The following FNBP4 variants were observed in gnomAD, a reference collection of about 807,000 sequenced individuals.
FNBP4 encodes formin binding protein 4.
A neutral mutation model predicts 119.3 loss-of-function variants in FNBP4; 34 were observed. The ratio of observed to expected loss-of-function variants is 0.28; its 90% CI spans 0.22 to 0.38. The LOEUF (loss-of-function observed/expected upper bound fraction) is 0.38, where lower values mean the gene tolerates loss of function less well. FNBP4 is among the 10% of genes least tolerant of loss of function. FNBP4 has a pLI of 1.00. For missense variants in FNBP4, 1,112 were observed against 1,228.9 expected (o/e 0.90, Z 1.42); for synonymous variants, 462 against 430.6 (o/e 1.07, Z -0.90).
rs564221228 is a variant in FNBP4, at chr11:47,719,212, A to G, written c.2963+717T>C. On this transcript the variant is annotated intron_variant, in intron 16 of 16. Coordinates refer to ENST00000263773, the MANE Select transcript of FNBP4 (RefSeq NM_015308.5). ...CCAACATGTGCTTTCATCATAAAAAATATTTCTGACCTGAGTGTGGTGGCT... is the reference window on the plus strand; with the variant it reads ...CCAACATGTGCTTTCATCATAAAAAGTATTTCTGACCTGAGTGTGGTGGCT... Among the ~76,000 whole-genome samples the G allele has an allele frequency of 9.8e-5, 15 of 152,352 alleles. No individual in the cohort carries two copies. In the South Asian group the frequency reaches 3.1e-3, roughly 32 times the overall value.
chr11:47,750,577 G>A (rs185630440), intron 6 of FNBP4, among the ~76,000 whole-genome samples: 2,557 of 146,734 alleles, frequency 0.017, 21 homozygotes, highest in Middle Eastern at 0.033. Context: ...TAATCCCAGC[G>A]ACTCAGGAGG....
At chr11:47,738,389 C>A (rs1289749989) in intron 8 of FNBP4, among the ~76,000 whole-genome samples, 2 of 151,878 alleles carry the variant, frequency 1.3e-5, no homozygotes, top group Admixed American at 1.3e-4. Context: ...CACGGTGAAA[C>A]CCTGCCTCTA....
intron 6 of FNBP4, 67 bp from the exon 7 acceptor site, chr11:47,746,461 A>G (rs1466093104): frequency 2.3e-6 from 3 of 1,288,896 alleles, no homozygotes; most frequent in African/African-American, 1.5e-5. Flanking sequence ...CATACATTCA[A>G]TTGCACACAC....
At chr11:47,751,841 G>C in intron 4 of FNBP4, among the ~76,000 whole-genome samples, 1 of 151,112 alleles carries the variant, frequency 6.6e-6, no homozygotes, top group Non-Finnish European at 1.5e-5. Flanking sequence ...CCAGCTACTC[G>C]GGAGGCTGAG....
intron 2 of FNBP4, among the ~76,000 whole-genome samples, chr11:47,764,112 A>G (rs1288226619): frequency 6.6e-6 from 1 of 151,804 alleles, no homozygotes; most frequent in African/African-American, 2.4e-5. Context: ...TTAAATTTAT[A>G]TTTTATTTTA....
chr11:47,728,517 T>C (rs2097563768), intron 12 of FNBP4, among the ~76,000 whole-genome samples: 1 of 152,130 alleles, frequency 6.6e-6, no homozygotes, highest in Non-Finnish European at 1.5e-5. Context: ...AGTGCTGGGA[T>C]TACAGCCGTG....
At chr11:47,737,107 C>CTTGA (rs2097575288) in intron 8 of FNBP4, among the ~76,000 whole-genome samples, 1 of 152,060 alleles carries the variant, frequency 6.6e-6, no homozygotes, top group Non-Finnish European at 1.5e-5. Context: ...AGGAGATATG[C>CTTGA]TTGAACCCGA....
intron 15 of FNBP4, among the ~76,000 whole-genome samples, chr11:47,720,592 A>C (rs1056903268): frequency 2.0e-5 from 3 of 151,588 alleles, no homozygotes; most frequent in Admixed American, 1.3e-4. Context: ...AAATAAATAA[A>C]TAAATAAAAT....
chr11:47,737,535 G>A (rs934930484), intron 8 of FNBP4, among the ~76,000 whole-genome samples: 4 of 151,948 alleles, frequency 2.6e-5, no homozygotes. Context: ...AACCTCCTAG[G>A]CTCAACGGAT....
chr11:47,723,084 G>A lies in FNBP4; in HGVS notation c.2697C>T (p.Thr899=), dbSNP rs548261535. 30 of 1,612,096 alleles carry A rather than the reference G, an allele frequency of 1.9e-5. 1 individual carries two copies. The highest frequency in any genetic ancestry group is 1.2e-4 in the South Asian group (11 of 90,794). ...QPVQARGAVP[T]ATIIEPPPPP... ...GTGGTGGTGGTTCTATAATGGTAGC[G>A]GTAGGCACAGCACCTCGGGCCTGAA... Residue 899 remains threonine, a synonymous_variant, in exon 15 of 17, where the codon ACC becomes ACT. Coordinates refer to ENST00000263773, the MANE Select transcript of FNBP4 (RefSeq NM_015308.5).
chr11:47,739,588 G>A (rs548721345), intron 8 of FNBP4, among the ~76,000 whole-genome samples: 1 of 152,122 alleles, frequency 6.6e-6, no homozygotes, highest in African/African-American at 2.4e-5. Flanking sequence ...TGTTACCACA[G>A]TATTATTTAT....
In FNBP4 at chr11:47,722,889, C is replaced by A. The variant is rs146781196; in HGVS notation, c.2805+87G>T. ...TACAGGCTTAAGCCACAGTGCCCAGCCTGAAAATGGATAATTTCATGTTAT... is the reference window on the plus strand; with the variant it reads ...TACAGGCTTAAGCCACAGTGCCCAGACTGAAAATGGATAATTTCATGTTAT... On this transcript the variant is annotated intron_variant, in intron 15 of 16. Transcript: ENST00000263773. The A allele has an allele frequency of 3.5e-4, 482 of 1,390,418 alleles. No homozygotes were observed. In the African/African-American group the frequency reaches 6.5e-3, roughly 19 times the overall value. The allele number at this position is 1,390,418 out of a possible 1,614,324, so 86.1% of individuals were successfully genotyped here.
intron 12 of FNBP4, chr11:47,726,650 A>G (rs945134506): frequency 6.6e-6 from 1 of 151,910 alleles, no homozygotes; most frequent in African/African-American, 2.4e-5. Flanking sequence ...ACCTCAAATG[A>G]CTCATTAAAC....
chr11:47,722,932 A>T (rs1252017612), intron 15 of FNBP4, 44 bp downstream of exon 15: 1 of 1,454,316 alleles, frequency 6.9e-7, no homozygotes, highest in Non-Finnish European at 9.0e-7. Context: ...TAACCTCAAT[A>T]AAATTTTTAA....
chr11:47,724,096 G>A lies in FNBP4; in HGVS notation c.2396C>T (p.Ala799Val), dbSNP rs187611974. 168 of 1,614,154 alleles carry A rather than the reference G, an allele frequency of 1.0e-4. No individual in the cohort carries two copies. The African/African-American group carries it at 2.1e-3, about 20-fold the overall frequency. The stretch of plus-strand genomic sequence containing the variant: ...AATGGTAGCTGACCTCTGAACCACT[G>A]CAGTGCTAATTTCTGTAGCTTTCCT... ...IKRKATEISTAVVQRSATIGS... is the reference protein window; with the variant it reads ...IKRKATEISTVVVQRSATIGS... The change falls in exon 14 of 17, where the codon GCA becomes GTA. Residue 799 changes from alanine to valine, a missense_variant. Coordinates refer to ENST00000263773, the MANE Select transcript of FNBP4 (RefSeq NM_015308.5).
intron 3 of FNBP4, 120 bp downstream of exon 3, chr11:47,754,408 G>C (rs1431837262): frequency 2.1e-6 from 2 of 947,018 alleles, no homozygotes; most frequent in African/African-American, 3.3e-5. Flanking sequence ...ACAAGAGAGT[G>C]TTGGAGGGAG....
Position 47,744,172 on chromosome 11 carries a change from A to T in FNBP4, c.1246-9T>A. The T allele has an allele frequency of 1.2e-6, 2 of 1,611,788 alleles. No homozygotes were observed. Among genetic ancestry groups the T allele is most frequent in the Non-Finnish European group, 1.7e-6 (2 of 1,178,016 alleles). On this transcript the variant is annotated splice_polypyrimidine_tract_variant and intron_variant, in intron 7 of 16. Coordinates refer to ENST00000263773, the MANE Select transcript of FNBP4 (RefSeq NM_015308.5). Reference sequence around the variant, plus strand: ...AAGGCTCGCAACTCTGCCTACAAAGAACATGACAATTAAGTTAGTGTCATT... The same window carrying T: ...AAGGCTCGCAACTCTGCCTACAAAGTACATGACAATTAAGTTAGTGTCATT...
intron 16 of FNBP4, 29 bp from the exon 17 acceptor site, chr11:47,717,541 G>A: frequency 2.0e-6 from 3 of 1,499,230 alleles, no homozygotes; most frequent in Non-Finnish European, 2.7e-6. Context: ...GATTATTTTA[G>A]TGGAAAGAAA....
At chr11:47,740,093 A>C (rs1463208294) in intron 8 of FNBP4, among the ~76,000 whole-genome samples, 1 of 151,776 alleles carries the variant, frequency 6.6e-6, no homozygotes, top group African/African-American at 2.4e-5. Context: ...AGCCAGGCCA[A>C]CATCCTCTCT....
Sources: gnomAD v4.1 joint callset for allele counts (sites outside exome capture counted in the v4.1 genomes callset) on GRCh38, gnomAD v4.1.1 for gene constraint, MANE v1.5 for transcripts, NCBI Gene and HGNC (gene_info 2026-07-23, HGNC 2026-07-21) for gene names.